CACNG3: variants seen among roughly 807,000 people sequenced by gnomAD.
CACNG3 encodes the protein voltage-dependent calcium channel gamma-3 subunit.
In CACNG3, 3 loss-of-function variants were observed where a neutral mutation model predicts 28.5. That is an observed-to-expected ratio of 0.11 (90% CI 0.05 to 0.27). CACNG3 has a LOEUF of 0.27. Ranked by LOEUF, CACNG3 falls within the 10% of genes least tolerant of loss-of-function variation. CACNG3 has a pLI of 1.00. For synonymous variants in CACNG3, 174 were observed against 162.2 expected, an observed-to-expected ratio of 1.07 and a Z score of -0.55; for missense variants, 236 against 414.4, an observed-to-expected ratio of 0.57 and a Z score of 3.74.
intron 1 of CACNG3, among the ~76,000 whole-genome samples, chr16:24,299,887 A>T (rs760084039): frequency 1.3e-5 from 2 of 152,052 alleles, no homozygotes; most frequent in Non-Finnish European, 2.9e-5. Flanking sequence ...TTTGCTGCCA[A>T]TCAAGTTTTA....
intron 1 of CACNG3, among the ~76,000 whole-genome samples, chr16:24,276,098 CT>C (rs1199004812): frequency 1.3e-5 from 2 of 152,172 alleles, no homozygotes; most frequent in African/African-American, 4.8e-5. Context: ...TCTTCATAAA[CT>C]TCAAGTCTAA....
chr16:24,270,944 C>T (rs1023620337), intron 1 of CACNG3, among the ~76,000 whole-genome samples: 8 of 152,190 alleles, frequency 5.3e-5, no homozygotes, highest in South Asian at 4.1e-4. Context: ...AGGCTTGAAG[C>T]GGGGAATGTG....
intron 1 of CACNG3, among the ~76,000 whole-genome samples, chr16:24,265,481 A>C (rs1304103816): frequency 6.7e-6 from 1 of 150,072 alleles, no homozygotes; most frequent in Non-Finnish European, 1.5e-5. Flanking sequence ...AGAGAGAGAG[A>C]GAAAGAGAAA....
At position 24,256,695 on chromosome 16, in the gene CACNG3, C is replaced by T. The variant is rs1596617140; in HGVS notation, c.-60C>T. 8.8e-7 allele frequency: 1 copy of T among 1,136,654 alleles called. No homozygotes were observed. Among genetic ancestry groups the T allele is most frequent in the East Asian group, 2.3e-5 (1 of 42,678 alleles). The allele number at this position is 1,136,654 out of a possible 1,614,324, so 70.4% of individuals were successfully genotyped here. A position where few individuals can be genotyped will look rare whatever the true frequency, so the allele number is the denominator to read the frequency against. On this transcript the variant is annotated 5_prime_UTR_variant, in exon 1 of 4. Transcript: ENST00000005284. This position sits in a 1 kb window ranked among gnomAD's most constrained non-coding sequence, Gnocchi z 4.6. ...GGTTACCCGGCTGCAGAGTGATTTT[C>T]CCCTCCGGCACTGACTCTCCCCCTC...
intron 2 of CACNG3, among the ~76,000 whole-genome samples, chr16:24,353,131 A>G (rs2283555): frequency 0.42 from 63,246 of 151,964 alleles, 13,623 homozygotes; most frequent in East Asian, 0.58. Context: ...GCCCTCCACC[A>G]TGCCCAGCTG....
At chr16:24,357,854 G>A (rs1445504140) in intron 3 of CACNG3, among the ~76,000 whole-genome samples, 1 of 152,216 alleles carries the variant, frequency 6.6e-6, no homozygotes, top group East Asian at 1.9e-4. Flanking sequence ...GTCCCCCAAG[G>A]GGATTGTTAG....
chr16:24,297,882 G>A (rs1167262090), intron 1 of CACNG3, among the ~76,000 whole-genome samples: 4 of 152,094 alleles, frequency 2.6e-5, no homozygotes, highest in Non-Finnish European at 5.9e-5. Context: ...CCTTGAGAAA[G>A]GGGGAAAGAC....
intron 1 of CACNG3, among the ~76,000 whole-genome samples, chr16:24,303,084 G>A (rs1308134046): frequency 1.3e-5 from 2 of 151,960 alleles, no homozygotes; most frequent in African/African-American, 2.4e-5. Flanking sequence ...GTGAACCACC[G>A]CACATGGCCT....
intron 2 of CACNG3, 106 bp from the exon 3 acceptor site, chr16:24,354,727 G>C: frequency 1.7e-6 from 2 of 1,168,962 alleles, no homozygotes; most frequent in Non-Finnish European, 1.2e-6. Context: ...CATGGGCTCT[G>C]TTCTCTTCCT....
intron 1 of CACNG3, among the ~76,000 whole-genome samples, chr16:24,303,083 C>A (rs942142927): frequency 6.6e-6 from 1 of 151,558 alleles, no homozygotes. Context: ...CGTGAACCAC[C>A]GCACATGGCC....
intron 1 of CACNG3, among the ~76,000 whole-genome samples, chr16:24,332,690 A>G (rs1899646749): frequency 6.6e-6 from 1 of 152,106 alleles, no homozygotes; most frequent in South Asian, 2.1e-4. Context: ...CTGTGTGCGC[A>G]AGGTTGCACG....
At chr16:24,279,107 T>G (rs901134025) in intron 1 of CACNG3, among the ~76,000 whole-genome samples, 1 of 152,040 alleles carries the variant, frequency 6.6e-6, no homozygotes, top group African/African-American at 2.4e-5. Flanking sequence ...ACTGGAGAAG[T>G]AGACAGGGGC....
intron 1 of CACNG3, among the ~76,000 whole-genome samples, chr16:24,257,765 G>A (rs942225820): frequency 3.3e-5 from 5 of 152,114 alleles, no homozygotes; most frequent in Non-Finnish European, 5.9e-5. Context: ...ATTGCAGTTC[G>A]TCATTTCTAG....
chr16:24,275,243 C>T lies in CACNG3; in HGVS notation c.211+18278C>T, dbSNP rs940249499. The stretch of plus-strand genomic sequence containing the variant: ...TTTTTTCAATGTGTTAAAATTTGCA[C>T]TTATGAGGCAAAAACAATGGTAGGT... On this transcript the variant is annotated intron_variant, in intron 1 of 3. Transcript: ENST00000005284. 4.6e-5 allele frequency among the ~76,000 whole-genome samples: 7 copies of T among 152,110 alleles called. No homozygotes were observed. In the East Asian group the frequency reaches 1.4e-3, roughly 29 times the overall value.
chr16:24,300,825 G>T (rs1899098788), intron 1 of CACNG3, among the ~76,000 whole-genome samples: 1 of 151,952 alleles, frequency 6.6e-6, no homozygotes, highest in African/African-American at 2.4e-5. Context: ...AAGCTAAGGG[G>T]GGCAGATCAC....
At chr16:24,284,185 C>G (rs914988785) in intron 1 of CACNG3, among the ~76,000 whole-genome samples, 1 of 152,114 alleles carries the variant, frequency 6.6e-6, no homozygotes, top group Non-Finnish European at 1.5e-5. Context: ...TTTCTATACA[C>G]TTGTCAATGA....
At chr16:24,300,568 A>G (rs1899094552) in intron 1 of CACNG3, among the ~76,000 whole-genome samples, 1 of 150,898 alleles carries the variant, frequency 6.6e-6, no homozygotes, top group Non-Finnish European at 1.5e-5. Context: ...AGGATCACCC[A>G]TTTGGGACCT....
At chr16:24,271,610 G>A (rs979147445) in intron 1 of CACNG3, among the ~76,000 whole-genome samples, 13 of 152,128 alleles carry the variant, frequency 8.5e-5, no homozygotes, top group Admixed American at 7.9e-4. Flanking sequence ...CTACAGCCTG[G>A]GTTCCCTGCA....
At chr16:24,308,505 T>A (rs961495210) in intron 1 of CACNG3, among the ~76,000 whole-genome samples, 4 of 152,160 alleles carry the variant, frequency 2.6e-5, no homozygotes, top group Non-Finnish European at 1.5e-5. Flanking sequence ...TTTACCTGCT[T>A]CTATATTCCT....
Sources: allele counts gnomAD v4.1 joint callset (sites outside exome capture counted in the v4.1 genomes callset), GRCh38; gene constraint gnomAD v4.1.1; non-coding constraint Gnocchi (gnomAD v3.1); transcripts MANE v1.5; gene names NCBI Gene and HGNC (gene_info 2026-07-23, HGNC 2026-07-21).